The following CNTN3 variants were observed in gnomAD, a reference collection of about 807,000 sequenced individuals.
CNTN3 encodes contactin-3.
CNTN3 carries 60 observed loss-of-function variants against 119.1 expected under a neutral mutation model. That is an observed-to-expected ratio of 0.50 (90% CI 0.41 to 0.62). The LOEUF (loss-of-function observed/expected upper bound fraction) is 0.62, where lower values mean the gene tolerates loss of function less well. Ranked by LOEUF, CNTN3 falls within the 20% of genes least tolerant of loss-of-function variation. The pLI is 0.00. For synonymous variants in CNTN3, 450 were observed against 438.7 expected (o/e 1.03, Z -0.32); for missense variants, 1,101 against 1,242.4 (o/e 0.89, Z 1.71).
intron 1 of CNTN3, among the ~76,000 whole-genome samples, chr3:74,561,709 T>C (rs1238856498): frequency 6.6e-6 from 1 of 152,162 alleles, no homozygotes; most frequent in Admixed American, 6.6e-5. Flanking sequence ...CTGGGTTTAG[T>C]GTTTATCTCA....
chr3:74,274,222 T>TG (rs1701837091), intron 20 of CNTN3, among the ~76,000 whole-genome samples: 1 of 152,050 alleles, frequency 6.6e-6, no homozygotes, highest in Non-Finnish European at 1.5e-5. Context: ...CTACCCACCC[T>TG]GGTAGCTGAA....
At chr3:74,490,893 T>A (rs1702951576) in intron 3 of CNTN3, among the ~76,000 whole-genome samples, 1 of 152,216 alleles carries the variant, frequency 6.6e-6, no homozygotes, top group Admixed American at 6.5e-5. Context: ...AATTTTCTTT[T>A]AACAAAGCAA....
chr3:74,470,864 C>A (rs540092102), intron 4 of CNTN3, among the ~76,000 whole-genome samples: 5 of 112,478 alleles, frequency 4.4e-5, no homozygotes, highest in African/African-American at 1.8e-4. Context: ...AAAACATATT[C>A]GGTTTTTTGT....
intron 5 of CNTN3, among the ~76,000 whole-genome samples, chr3:74,383,685 G>A (rs2130006): frequency 0.99 from 151,336 of 152,206 alleles, 75,240 homozygotes; most frequent in East Asian, 1. Context: ...GCGTCTCATT[G>A]TATTGCCCAG....
chr3:74,529,281 T>C (rs1002773151), intron 1 of CNTN3, among the ~76,000 whole-genome samples: 8 of 151,924 alleles, frequency 5.3e-5, no homozygotes, highest in Non-Finnish European at 1.0e-4. Flanking sequence ...GTAATGTATC[T>C]TCCACGTTAA....
intron 13 of CNTN3, among the ~76,000 whole-genome samples, chr3:74,315,155 GC>G (rs1246248758): frequency 6.6e-6 from 1 of 152,158 alleles, no homozygotes; most frequent in Non-Finnish European, 1.5e-5. Flanking sequence ...GTTCACATAT[GC>G]CATGGCAACA....
intron 11 of CNTN3, among the ~76,000 whole-genome samples, chr3:74,359,158 C>T (rs556750403): frequency 6.6e-6 from 1 of 152,232 alleles, no homozygotes; most frequent in Admixed American, 6.5e-5. Context: ...TGCATCCCTG[C>T]TGAATGGAGA....
At chr3:74,555,248 T>G (rs1704051719) in intron 1 of CNTN3, among the ~76,000 whole-genome samples, 1 of 152,238 alleles carries the variant, frequency 6.6e-6, no homozygotes, top group African/African-American at 2.4e-5. Context: ...CAGTCTTGCA[T>G]TCCAGGTAGG....
chr3:74,392,774 C>T (rs1023160560), intron 5 of CNTN3, among the ~76,000 whole-genome samples: 1 of 151,958 alleles, frequency 6.6e-6, no homozygotes, highest in Non-Finnish European at 1.5e-5. Context: ...GGGAGAAGTA[C>T]TTTGAGCAGG....
intron 1 of CNTN3, among the ~76,000 whole-genome samples, chr3:74,542,838 T>C (rs1239859087): frequency 1.3e-5 from 2 of 152,126 alleles, no homozygotes; most frequent in Non-Finnish European, 2.9e-5. Context: ...AAATTACTGA[T>C]TGAAAGAATG....
intron 4 of CNTN3, among the ~76,000 whole-genome samples, chr3:74,447,970 G>A (rs1702079435): frequency 6.6e-6 from 1 of 152,174 alleles, no homozygotes; most frequent in African/African-American, 2.4e-5. Flanking sequence ...AAAATTGGAT[G>A]ATCCATGTAG....
chr3:74,290,324 T>A (rs1199755545), intron 19 of CNTN3, among the ~76,000 whole-genome samples: 1 of 152,230 alleles, frequency 6.6e-6, no homozygotes, highest in African/African-American at 2.4e-5. Flanking sequence ...TTTTTGTATA[T>A]TCAAACATAC....
At chr3:74,575,154 G>T (rs910732539) in intron 1 of CNTN3, among the ~76,000 whole-genome samples, 1 of 151,560 alleles carries the variant, frequency 6.6e-6, no homozygotes, top group Non-Finnish European at 1.5e-5. Context: ...TGAACTCCTG[G>T]GCTCAAGCAA....
At chr3:74,338,168 C>T (rs540082493) in intron 11 of CNTN3, among the ~76,000 whole-genome samples, 4 of 152,092 alleles carry the variant, frequency 2.6e-5, no homozygotes, top group Non-Finnish European at 5.9e-5. Flanking sequence ...ATCAGCATGG[C>T]GTCATATATG....
chr3:74,324,998 C>T (rs1306944712), intron 13 of CNTN3, among the ~76,000 whole-genome samples: 1 of 151,992 alleles, frequency 6.6e-6, no homozygotes, highest in Non-Finnish European at 1.5e-5. Context: ...GATACATGCA[C>T]ATTAATACAT....
intron 19 of CNTN3, among the ~76,000 whole-genome samples, chr3:74,293,137 A>G (rs887995875): frequency 5.3e-5 from 8 of 152,214 alleles, no homozygotes; most frequent in African/African-American, 1.9e-4. Context: ...GTTACTAAAA[A>G]TATACACTAA....
chr3:74,577,492 T>C (rs755270277), intron 1 of CNTN3, among the ~76,000 whole-genome samples: 1 of 152,090 alleles, frequency 6.6e-6, no homozygotes, highest in Non-Finnish European at 1.5e-5. Context: ...AATAGCATAG[T>C]TCTCTCTCAT....
chr3:74,388,873 T>TC (rs1469934257), intron 5 of CNTN3, among the ~76,000 whole-genome samples: 1 of 152,208 alleles, frequency 6.6e-6, no homozygotes, highest in Non-Finnish European at 1.5e-5. Context: ...GTCCACCACT[T>TC]CCTTTTTTCA....
intron 1 of CNTN3, among the ~76,000 whole-genome samples, chr3:74,579,716 TA>T (rs1704473333): frequency 1.3e-5 from 2 of 151,946 alleles, no homozygotes; most frequent in Admixed American, 1.3e-4. Context: ...TTAAAATCAA[TA>T]AAAATGAAAA....
Sources: allele counts gnomAD v4.1 joint callset (sites outside exome capture counted in the v4.1 genomes callset), GRCh38; gene constraint gnomAD v4.1.1; transcripts MANE v1.5; gene names NCBI Gene and HGNC (gene_info 2026-07-23, HGNC 2026-07-21).